Variants in VWA8 observed in about 807,000 individuals in gnomAD.
VWA8 encodes von Willebrand factor A domain-containing protein 8.
Under a neutral mutation model 241.5 loss-of-function variants are expected in VWA8, and 221 were observed. The ratio of observed to expected loss-of-function variants is 0.91; its 90% CI spans 0.82 to 1.02. The LOEUF is 1.02. Among genes scored for constraint, VWA8 ranks in the 50% least tolerant of loss-of-function variants. The pLI is 0.00. For missense variants in VWA8, 2,322 were observed against 2,328.7 expected (o/e 1.00, Z 0.06); for synonymous variants, 852 against 827.1 (o/e 1.03, Z -0.52).
In VWA8 at chr13:41,721,397, T is replaced by C. The variant is rs780461699; in HGVS notation, c.2937A>G (p.Glu979=). ...GIINYPYSTR[E]VVNIVKHLQK... is the part of the protein sequence containing the mutation. ...GTAAATGTTTGACTATGTTGACAACTTCTCTGGTAGAATAAGGATAGTTAA... is the reference window on the plus strand; with the variant it reads ...GTAAATGTTTGACTATGTTGACAACCTCTCTGGTAGAATAAGGATAGTTAA... The change falls in exon 25 of 45, where the codon GAA becomes GAG. Residue 979 remains glutamate (E), a synonymous_variant. Coordinates refer to ENST00000379310, the MANE Select transcript of VWA8 (RefSeq NM_015058.2). The C allele has an allele frequency of 6.2e-7, 1 of 1,613,808 alleles. No homozygotes were observed. Among genetic ancestry groups the C allele is most frequent in the Non-Finnish European group, 8.5e-7 (1 of 1,179,792 alleles).
At chr13:41,877,913 G>A (rs1356309031) in intron 9 of VWA8, among the ~76,000 whole-genome samples, 1 of 152,086 alleles carries the variant, frequency 6.6e-6, no homozygotes, top group Non-Finnish European at 1.5e-5. Context: ...AACATCACAT[G>A]ATGAGCACCA....
At chr13:41,731,121 C>T (rs2045479790) in intron 22 of VWA8, among the ~76,000 whole-genome samples, 1 of 151,774 alleles carries the variant, frequency 6.6e-6, no homozygotes, top group African/African-American at 2.4e-5. Context: ...CTTCTATCCT[C>T]AACCCTGTCT....
In VWA8 at chr13:41,960,923, C is replaced by A. The variant is rs978280840; in HGVS notation, c.93G>T (p.Gln31His). 6.7e-7 allele frequency: 1 copy of A among 1,495,672 alleles called. No homozygotes were observed. Among genetic ancestry groups the A allele is most frequent in the East Asian group, 2.8e-5 (1 of 35,314 alleles). 92.7% of individuals were successfully genotyped at this position (1,495,672 alleles called of 1,614,324 possible). A position where few individuals can be genotyped will look rare whatever the true frequency, so the allele number is the denominator to read the frequency against. The change falls in exon 1 of 45, where the codon CAG (glutamine) becomes CAT (histidine). Residue 31 changes from glutamine (Q) to histidine (H), a missense_variant. Coordinates refer to ENST00000379310, the MANE Select transcript of VWA8 (RefSeq NM_015058.2). ...RMRLLLRQVV[Q>H]RRPGGDRQRP... Reference sequence around the variant, plus strand: ...GCTGCCTGTCGCCACCCGGCCTGCGCTGCACCACCTGCCGCAGGAGCAGCC... The same window carrying A: ...GCTGCCTGTCGCCACCCGGCCTGCGATGCACCACCTGCCGCAGGAGCAGCC...
intron 37 of VWA8, among the ~76,000 whole-genome samples, chr13:41,659,928 T>G (rs1485888786): frequency 6.6e-6 from 1 of 152,168 alleles, no homozygotes; most frequent in Non-Finnish European, 1.5e-5. Context: ...ATGCTATTTG[T>G]CAAAAAGGAA....
At chr13:41,691,174 A>T in intron 32 of VWA8, 146 bp downstream of exon 32, 2 of 917,938 alleles carry the variant, frequency 2.2e-6, no homozygotes, top group South Asian at 3.8e-5. Context: ...CTCAATTCTT[A>T]TAAGTCTCAT....
intron 38 of VWA8, among the ~76,000 whole-genome samples, chr13:41,613,372 T>G (rs1172850205): frequency 6.6e-6 from 1 of 152,198 alleles, no homozygotes; most frequent in Non-Finnish European, 1.5e-5. Context: ...GGCCAGCCAA[T>G]AGGCAGAGGG....
intron 17 of VWA8, 68 bp from the exon 18 acceptor site, chr13:41,787,611 C>CAA: frequency 1.4e-6 from 1 of 704,554 alleles, no homozygotes; most frequent in East Asian, 2.7e-5. Context: ...CTTAAATACA[C>CAA]ACACACACAC....
chr13:41,784,286 T>C (rs1869035912), intron 18 of VWA8, among the ~76,000 whole-genome samples: 1 of 152,142 alleles, frequency 6.6e-6, no homozygotes, highest in African/African-American at 2.4e-5. Context: ...TCTTTTAGTG[T>C]GCACCAATTT....
chr13:41,826,744 C>T (rs117017261), intron 14 of VWA8, among the ~76,000 whole-genome samples: 24 of 152,108 alleles, frequency 1.6e-4, no homozygotes, highest in Admixed American at 6.5e-4. Context: ...TGTGGCGATG[C>T]GCAACTGTAG....
chr13:41,936,702 T>TA (rs1366307035), intron 2 of VWA8, among the ~76,000 whole-genome samples: 2 of 152,228 alleles, frequency 1.3e-5, no homozygotes, highest in Admixed American at 1.3e-4. Context: ...TGACTATAGT[T>TA]ATTAACAATG....
In VWA8 at chr13:41,949,960, G is replaced by A. The variant is rs778309847; in HGVS notation, c.217C>T (p.Pro73Ser). ...CTGTAGTTCTGTGGCACAAGTTCTG[G>A]ATTCTTAGGAATTTTCAACTTGTAG... ...VSYKLKIPKN[P>S]ELVPQNYISD... is the part of the protein sequence containing the mutation. Residue 73 changes from proline (P) to serine (S), a missense_variant, in exon 2 of 45, where the codon CCA (proline) becomes TCA (serine). Physicochemically the swap from Pro to Ser is moderately conservative, Grantham distance 74. Coordinates refer to ENST00000379310, the MANE Select transcript of VWA8 (RefSeq NM_015058.2). The A allele has an allele frequency of 6.3e-7, 1 of 1,593,170 alleles. No homozygotes were observed. The highest frequency in any genetic ancestry group is 2.3e-5 in the East Asian group (1 of 44,296).
chr13:41,935,793 T>C (rs921062113), intron 2 of VWA8, among the ~76,000 whole-genome samples: 3 of 151,934 alleles, frequency 2.0e-5, no homozygotes, highest in Non-Finnish European at 2.9e-5. Context: ...AGTGGTATCA[T>C]ATCTTATATG....
chr13:41,776,710 T>G (rs921524478), intron 20 of VWA8, among the ~76,000 whole-genome samples: 1 of 152,202 alleles, frequency 6.6e-6, no homozygotes, highest in Non-Finnish European at 1.5e-5. Context: ...ATACTATTTT[T>G]ATTCCCAGGT....
chr13:41,703,164 G>T (rs2045260657), intron 27 of VWA8, 139 bp downstream of exon 27: 3 of 685,836 alleles, frequency 4.4e-6, no homozygotes, highest in African/African-American at 1.8e-5. Flanking sequence ...TGAGAGGCCA[G>T]CCTGATTTGA....
intron 14 of VWA8, among the ~76,000 whole-genome samples, chr13:41,829,504 C>A (rs560153295): frequency 6.8e-6 from 1 of 147,580 alleles, no homozygotes; most frequent in South Asian, 2.2e-4. Flanking sequence ...GTGCCTATAA[C>A]CAACGAGTGG....
intron 2 of VWA8, among the ~76,000 whole-genome samples, chr13:41,920,398 C>G (rs866533144): frequency 6.6e-6 from 1 of 152,014 alleles, no homozygotes; most frequent in South Asian, 2.1e-4. Flanking sequence ...AGAGCAAACA[C>G]ATTCAAAAGC....
At chr13:41,947,965 A>C (rs1456731584) in intron 2 of VWA8, among the ~76,000 whole-genome samples, 1 of 140,426 alleles carries the variant, frequency 7.1e-6, no homozygotes, top group African/African-American at 2.6e-5. Flanking sequence ...AAAACAAAAC[A>C]TTTTGGTAAT....
chr13:41,829,530 TACACACACACACACACAC>T (rs71096546), intron 14 of VWA8, among the ~76,000 whole-genome samples: 3 of 139,720 alleles, frequency 2.1e-5, no homozygotes, highest in South Asian at 2.3e-4. Flanking sequence ...GGAAATGTGA[TACACACACACACACACAC>T]ACACACACAC....
At chr13:41,684,081 T>C (rs7139720) in intron 35 of VWA8, among the ~76,000 whole-genome samples, 1 of 152,196 alleles carries the variant, frequency 6.6e-6, no homozygotes, top group Non-Finnish European at 1.5e-5. Flanking sequence ...TATATCACCT[T>C]GTGAATATTC....
Sources: allele counts gnomAD v4.1 joint callset (sites outside exome capture counted in the v4.1 genomes callset), GRCh38; gene constraint gnomAD v4.1.1; transcripts MANE v1.5; gene names NCBI Gene and HGNC (gene_info 2026-07-23, HGNC 2026-07-21).